EXT2: variants seen among roughly 807,000 people sequenced by gnomAD.
The protein encoded by EXT2 is exostosin glycosyltransferase 2, also known as exostosin-2.
A neutral mutation model predicts 81.6 loss-of-function variants in EXT2; 53 were observed. The ratio of observed to expected loss-of-function variants is 0.65; its 90% CI spans 0.52 to 0.82. The LOEUF (loss-of-function observed/expected upper bound fraction) is 0.82. EXT2 is among the 40% of genes least tolerant of loss of function. The probability of loss-of-function intolerance (pLI) is 0.00; values close to 1 mark genes in which losing one functional copy is unlikely to be tolerated. For missense variants in EXT2, 774 were observed against 910.2 expected (o/e 0.85, Z 1.93); for synonymous variants, 320 against 340.0 (o/e 0.94, Z 0.65).
intron 4 of EXT2, among the ~76,000 whole-genome samples, chr11:44,121,047 A>C (rs1156384294): frequency 2.0e-5 from 3 of 152,246 alleles, no homozygotes; most frequent in African/African-American, 7.2e-5. Context: ...GACAGCCAGC[A>C]TGCAAGCAAG....
At position 44,172,037 on chromosome 11, in the gene EXT2, C is replaced by T. The variant is rs367550545; in HGVS notation, c.1305+295C>T. On this transcript the variant is annotated intron_variant, in intron 8 of 13. Transcript: ENST00000533608. ...TTGGAAATCAAAGACATCCCGGTGA[C>T]TTTTGCAATTGTAATGCTTAGAGCT... 8.6e-5 allele frequency: 38 copies of T among 443,886 alleles called. No homozygotes were observed. In the East Asian group the frequency reaches 1.8e-3, roughly 21 times the overall value. The allele number at this position is 443,886 out of a possible 1,614,324, so 27.5% of individuals were successfully genotyped here.
chr11:44,144,327 G>A, intron 7 of EXT2: 1 of 1,598,160 alleles, frequency 6.3e-7, no homozygotes. Context: ...CTAGGGAACA[G>A]TGGGATTCAC....
rs796964752 is a variant in EXT2 at position 44,115,540 on chromosome 11, T to TG, written c.743+1240dup. On this transcript the variant is annotated intron_variant, in intron 4 of 13. Coordinates refer to ENST00000533608, the MANE Select transcript of EXT2 (RefSeq NM_207122.2). ...AATCTCAGTGAGCTTTAAACAAACA[T>TG]GATAATAAAAGCATCCTTTACTTGT... Among the ~76,000 whole-genome samples the TG allele has an allele frequency of 1.4e-4, 21 of 152,270 alleles. 1 individual carries two copies. The highest frequency in any genetic ancestry group is 4.3e-4 in the African/African-American group (18 of 41,556).
chr11:44,237,152 G>A (rs1955975344), intron 13 of EXT2, among the ~76,000 whole-genome samples: 1 of 151,970 alleles, frequency 6.6e-6, no homozygotes, highest in Non-Finnish European at 1.5e-5. Context: ...ACTCAGATAA[G>A]GATATAGTAG....
chr11:44,215,008 G>T (rs1376313684), intron 10 of EXT2, among the ~76,000 whole-genome samples: 1 of 152,068 alleles, frequency 6.6e-6, no homozygotes, highest in Non-Finnish European at 1.5e-5. Flanking sequence ...CAATCCTCCT[G>T]CCTCGGCCTC....
chr11:44,111,945 C>A (rs1173770415), intron 3 of EXT2, among the ~76,000 whole-genome samples: 2 of 152,188 alleles, frequency 1.3e-5, no homozygotes, highest in Non-Finnish European at 2.9e-5. Context: ...CACTAAATAT[C>A]TAGCCTTTGC....
intron 13 of EXT2, among the ~76,000 whole-genome samples, chr11:44,241,502 T>G (rs1419905009): frequency 6.6e-6 from 1 of 152,210 alleles, no homozygotes; most frequent in Admixed American, 6.5e-5. Flanking sequence ...TTATGTGTAG[T>G]GATAAATGAA....
At chr11:44,193,417 C>T (rs1955417340) in intron 8 of EXT2, among the ~76,000 whole-genome samples, 1 of 152,152 alleles carries the variant, frequency 6.6e-6, no homozygotes, top group Non-Finnish European at 1.5e-5. Flanking sequence ...ACATATATTA[C>T]CTCATTTATG....
intron 9 of EXT2, among the ~76,000 whole-genome samples, chr11:44,200,542 G>C (rs1955510592): frequency 6.6e-6 from 1 of 152,142 alleles, no homozygotes; most frequent in African/African-American, 2.4e-5. Flanking sequence ...CCCAGCTTCA[G>C]ACTGTGGTTT....
At chr11:44,145,341 A>T (rs1954702895) in intron 7 of EXT2, among the ~76,000 whole-genome samples, 1 of 152,180 alleles carries the variant, frequency 6.6e-6, no homozygotes, top group Admixed American at 6.5e-5. Flanking sequence ...GCTTTTCTAC[A>T]ATTCAAATAG....
chr11:44,208,907 G>C (rs1407100598), intron 10 of EXT2, among the ~76,000 whole-genome samples: 1 of 152,168 alleles, frequency 6.6e-6, no homozygotes, highest in African/African-American at 2.4e-5. Flanking sequence ...CTCAGAAGTA[G>C]TACTTACAGC....
intron 1 of EXT2, among the ~76,000 whole-genome samples, chr11:44,100,596 C>T (rs1486725876): frequency 6.6e-6 from 1 of 152,162 alleles, no homozygotes; most frequent in Non-Finnish European, 1.5e-5. Context: ...ATGCCATGCC[C>T]AGATCAGCCA....
intron 6 of EXT2, among the ~76,000 whole-genome samples, 188 bp from the exon 7 acceptor site, chr11:44,129,857 A>G (rs1421121808): frequency 6.6e-6 from 1 of 152,166 alleles, no homozygotes. Flanking sequence ...TGGAGCTGTA[A>G]GAGAACTCCT....
rs1485897701 is a variant in EXT2, at chr11:44,246,917, T to C, written c.*2630T>C. On this transcript the variant is annotated 3_prime_UTR_variant, in exon 14 of 14. Coordinates refer to ENST00000533608, the MANE Select transcript of EXT2 (RefSeq NM_207122.2). Reference sequence around the variant, plus strand: ...ACAGCAGACAACAGCTGGTTTTAGATTAAGAAATCTTTTTAAAGAAACACA... The same window carrying C: ...ACAGCAGACAACAGCTGGTTTTAGACTAAGAAATCTTTTTAAAGAAACACA... 2.6e-5 allele frequency among the ~76,000 whole-genome samples: 4 copies of C among 152,236 alleles called. No homozygotes were observed. The highest frequency in any genetic ancestry group is 2.6e-4 in the Admixed American group (4 of 15,284).
chr11:44,181,234 T>C (rs1284460382), intron 8 of EXT2, among the ~76,000 whole-genome samples: 2 of 152,224 alleles, frequency 1.3e-5, no homozygotes, highest in Non-Finnish European at 2.9e-5. Context: ...TTCATTTTAA[T>C]CTCAAAAAGT....
chr11:44,116,113 C>T (rs1954218377), intron 4 of EXT2: 1 of 152,218 alleles, frequency 6.6e-6, no homozygotes. Context: ...ATCAGGCCTA[C>T]TACCTAATTC....
chr11:44,162,721 G>A (rs1447905130), intron 7 of EXT2, among the ~76,000 whole-genome samples: 1 of 152,096 alleles, frequency 6.6e-6, no homozygotes, highest in Admixed American at 6.5e-5. Flanking sequence ...TTCAGCAAGT[G>A]CCATATGGGT....
At chr11:44,113,058 C>G (rs561901421) in intron 3 of EXT2, among the ~76,000 whole-genome samples, 1 of 152,112 alleles carries the variant, frequency 6.6e-6, no homozygotes, top group Non-Finnish European at 1.5e-5. Context: ...AAAATAAGAC[C>G]GTATGTTGGT....
At chr11:44,241,136 A>T (rs1956032435) in intron 13 of EXT2, among the ~76,000 whole-genome samples, 1 of 152,180 alleles carries the variant, frequency 6.6e-6, no homozygotes, top group South Asian at 2.1e-4. Flanking sequence ...GTTGTATAGG[A>T]GAGTAGCTTC....
Sources: gnomAD v4.1 joint callset for allele counts (sites outside exome capture counted in the v4.1 genomes callset) on GRCh38, gnomAD v4.1.1 for gene constraint, MANE v1.5 for transcripts, NCBI Gene and HGNC (gene_info 2026-07-23, HGNC 2026-07-21) for gene names.